SPOCK3: variants seen among roughly 807,000 people sequenced by gnomAD.
SPOCK3 encodes testican-3.
SPOCK3 carries 30 observed loss-of-function variants against 56.6 expected under a neutral mutation model. The ratio of observed to expected loss-of-function variants is 0.53; its 90% CI spans 0.40 to 0.72. SPOCK3 has a LOEUF of 0.72. Ranked by LOEUF, SPOCK3 falls within the 30% of genes least tolerant of loss-of-function variation. The probability of loss-of-function intolerance (pLI) is 0.00; values close to 1 mark genes in which losing one functional copy is unlikely to be tolerated. For synonymous variants in SPOCK3, 196 were observed against 183.3 expected (o/e 1.07, Z -0.56); for missense variants, 527 against 530.0 (o/e 0.99, Z 0.06).
At chr4:166,937,186 G>A (rs1282836963) in intron 4 of SPOCK3, among the ~76,000 whole-genome samples, 1 of 151,934 alleles carries the variant, frequency 6.6e-6, no homozygotes, top group Non-Finnish European at 1.5e-5. Flanking sequence ...AGGCACAAGT[G>A]TTTAATGCAG....
At chr4:166,947,756 G>A (rs1046449372) in intron 4 of SPOCK3, among the ~76,000 whole-genome samples, 8 of 151,924 alleles carry the variant, frequency 5.3e-5, no homozygotes, top group African/African-American at 9.7e-5. Flanking sequence ...ATAATTGCAC[G>A]GATTCATGAG....
intron 6 of SPOCK3, among the ~76,000 whole-genome samples, chr4:166,796,955 A>T (rs1333435487): frequency 1.3e-5 from 2 of 152,194 alleles, no homozygotes; most frequent in Non-Finnish European, 1.5e-5. Context: ...AGTCCAAAGT[A>T]CATGTCTCTC....
At chr4:166,925,389 G>A (rs573025233) in intron 4 of SPOCK3, among the ~76,000 whole-genome samples, 50 of 151,934 alleles carry the variant, frequency 3.3e-4, no homozygotes, top group Non-Finnish European at 5.6e-4. Flanking sequence ...AAGAAAAAAC[G>A]TATTCCCCAA....
chr4:166,958,990 A>G (rs1743827803), intron 4 of SPOCK3, among the ~76,000 whole-genome samples: 1 of 152,194 alleles, frequency 6.6e-6, no homozygotes, highest in Admixed American at 6.5e-5. Context: ...GTCTTTGATA[A>G]CATTTTATAT....
intron 6 of SPOCK3, chr4:166,882,903 C>G (rs1055397304): frequency 6.6e-6 from 1 of 152,014 alleles, no homozygotes; most frequent in Non-Finnish European, 1.5e-5. Flanking sequence ...AATAATTATG[C>G]AACACTTGCC....
At chr4:167,222,710 GAT>G (rs1485957929) in intron 2 of SPOCK3, among the ~76,000 whole-genome samples, 2 of 127,722 alleles carry the variant, frequency 1.6e-5, no homozygotes, top group African/African-American at 3.0e-5. Flanking sequence ...TATAAACATA[GAT>G]ATATATTGAT....
intron 6 of SPOCK3, among the ~76,000 whole-genome samples, chr4:166,801,703 A>G (rs1742614151): frequency 1.3e-5 from 2 of 152,178 alleles, no homozygotes; most frequent in African/African-American, 2.4e-5. Context: ...TAAAATGTGC[A>G]TTGTTTTATT....
chr4:167,138,373 T>C (rs71620417), intron 2 of SPOCK3, among the ~76,000 whole-genome samples: 88 of 152,060 alleles, frequency 5.8e-4, no homozygotes, highest in Admixed American at 1.6e-3. Flanking sequence ...TTCATAATTG[T>C]TTGTATACAT....
intron 2 of SPOCK3, among the ~76,000 whole-genome samples, chr4:167,203,470 G>A (rs937528133): frequency 6.6e-6 from 1 of 151,338 alleles, no homozygotes; most frequent in African/African-American, 2.4e-5. Context: ...TTGAAACCAA[G>A]GCAAAGAATG....
chr4:167,098,941 A>C lies in SPOCK3; in HGVS notation c.190-36404T>G, dbSNP rs989379025. Among the ~76,000 whole-genome samples the C allele has an allele frequency of 3.3e-5, 5 of 151,944 alleles. No individual in the cohort carries two copies. The South Asian group carries it at 8.3e-4, about 25-fold the overall frequency. ...TCTGATGTATGGCTCCTTATCTAACAAGCTTATGCTTATTTATCTTATGAA... is the reference window on the plus strand; with the variant it reads ...TCTGATGTATGGCTCCTTATCTAACCAGCTTATGCTTATTTATCTTATGAA... On this transcript the variant is annotated intron_variant, in intron 2 of 10. Transcript: ENST00000357545.
At chr4:167,097,174 C>A (rs1759231444) in intron 2 of SPOCK3, among the ~76,000 whole-genome samples, 1 of 151,748 alleles carries the variant, frequency 6.6e-6, no homozygotes, top group Non-Finnish European at 1.5e-5. Context: ...CTAGGAACCA[C>A]CATATAGTTG....
At chr4:166,752,587 C>T (rs947042841) in intron 8 of SPOCK3, among the ~76,000 whole-genome samples, 89 of 86,302 alleles carry the variant, frequency 1.0e-3, no homozygotes, top group African/African-American at 5.8e-3. Context: ...CACACACACA[C>T]ACACACACAC....
At chr4:167,141,851 C>A (rs815233) in intron 2 of SPOCK3, among the ~76,000 whole-genome samples, 26,379 of 151,590 alleles carry the variant, frequency 0.17, 2,445 homozygotes, top group Admixed American at 0.22. Context: ...TACCTAGAAC[C>A]CAGCACAACA....
intron 4 of SPOCK3, among the ~76,000 whole-genome samples, chr4:166,918,712 C>T (rs1370900006): frequency 6.6e-6 from 1 of 151,928 alleles, no homozygotes; most frequent in Non-Finnish European, 1.5e-5. Context: ...AAAATTATTC[C>T]TAAGATAAAT....
chr4:166,906,397 G>A lies in SPOCK3; in HGVS notation c.474+6223C>T, dbSNP rs201282594. 4.7e-5 allele frequency among the ~76,000 whole-genome samples: 7 copies of A among 150,284 alleles called. No homozygotes were observed. The East Asian group carries it at 1.4e-3, about 29-fold the overall frequency. On this transcript the variant is annotated intron_variant, in intron 5 of 10. Coordinates refer to ENST00000357545, the MANE Select transcript of SPOCK3 (RefSeq NM_001040159.2). ...GTTGCCAATGCTTGTCTTGAACTCC[G>A]AAGCTCAAGGAATTTTCCCATCTCT... is the stretch of plus-strand genomic sequence containing the variant.
intron 2 of SPOCK3, among the ~76,000 whole-genome samples, chr4:167,165,118 T>C (rs1765645279): frequency 6.6e-6 from 1 of 152,012 alleles, no homozygotes; most frequent in Non-Finnish European, 1.5e-5. Context: ...TCTGACTTTT[T>C]CCTAAACAAT....
chr4:166,735,056 A>G lies in SPOCK3; in HGVS notation c.1167T>C (p.Ser389=). 1 of 1,605,888 alleles carries G rather than the reference A, an allele frequency of 6.2e-7. No individual in the cohort carries two copies. The highest frequency in any genetic ancestry group is 8.5e-7 in the Non-Finnish European group (1 of 1,174,518). The change falls in exon 11 of 11, where the codon AGT becomes AGC. Residue 389 remains serine (S), a synonymous_variant. Transcript: ENST00000357545. The part of the protein sequence containing the change: ...IDFEISGDFA[S]GDFHEWTDDE... ...CATCAGTCCATTCATGAAAATCGCC[A>G]CTAGCAAAATCTCCGGAGATCTCAA... is the stretch of plus-strand genomic sequence containing the variant.
chr4:166,802,541 C>T (rs1162156654), intron 6 of SPOCK3, among the ~76,000 whole-genome samples: 3 of 152,138 alleles, frequency 2.0e-5, no homozygotes. Context: ...GAAAGGCTAA[C>T]AAGCTCCCTT....
intron 2 of SPOCK3, among the ~76,000 whole-genome samples, chr4:167,231,565 T>G (rs2111179875): frequency 6.6e-6 from 1 of 152,256 alleles, no homozygotes; most frequent in African/African-American, 2.4e-5. Context: ...AGTATAGTAT[T>G]ATTTCAAGTA....
Sources: gnomAD v4.1 joint callset for allele counts (sites outside exome capture counted in the v4.1 genomes callset) on GRCh38, gnomAD v4.1.1 for gene constraint, MANE v1.5 for transcripts, NCBI Gene and HGNC (gene_info 2026-07-23, HGNC 2026-07-21) for gene names.